The following SLC10A6 variants were observed in gnomAD, a reference collection of about 807,000 sequenced individuals.
SLC10A6 encodes the protein solute carrier family 10 member 6, also known as sodium-dependent organic anion transporter.
Under a neutral mutation model 30.0 loss-of-function variants are expected in SLC10A6, and 27 were observed. The ratio of observed to expected loss-of-function variants is 0.90; its 90% CI spans 0.66 to 1.24. The LOEUF (loss-of-function observed/expected upper bound fraction) is 1.24, where lower values mean the gene tolerates loss of function less well. Ranked by LOEUF, SLC10A6 falls within the 50% of genes most tolerant of loss-of-function variation. The pLI is 0.00. For synonymous variants in SLC10A6, 166 were observed against 173.8 expected, an observed-to-expected ratio of 0.95 and a Z score of 0.36; for missense variants, 439 against 457.0, an observed-to-expected ratio of 0.96 and a Z score of 0.36.
At chr4:86,835,151 A>T (rs532822562) in intron 1 of SLC10A6, among the ~76,000 whole-genome samples, 2 of 152,190 alleles carry the variant, frequency 1.3e-5, no homozygotes, top group African/African-American at 2.4e-5. Flanking sequence ...CCCAGTATGA[A>T]GTGTTAATAA....
At chr4:86,847,246 G>A (rs1746407162) in intron 1 of SLC10A6, among the ~76,000 whole-genome samples, 1 of 152,134 alleles carries the variant, frequency 6.6e-6, no homozygotes, top group Non-Finnish European at 1.5e-5. Flanking sequence ...CCATTTACAA[G>A]GTTATTATGA....
intron 1 of SLC10A6, among the ~76,000 whole-genome samples, chr4:86,845,893 A>G (rs1181311650): frequency 1.3e-5 from 2 of 152,214 alleles, no homozygotes; most frequent in Non-Finnish European, 2.9e-5. Flanking sequence ...ACCGGTTCCA[A>G]CCAATGGATT....
In SLC10A6 at chr4:86,848,905, C is replaced by A; in HGVS notation, c.211G>T (p.Gly71Ter). 1 of 1,614,170 alleles carries A rather than the reference C, an allele frequency of 6.2e-7. No individual in the cohort carries two copies. The highest frequency in any genetic ancestry group is 2.2e-5 in the East Asian group (1 of 44,878). The change falls in exon 1 of 6, where the codon GGA (glycine) becomes TGA (stop). Residue 71 changes from glycine to a stop codon, truncating the protein, a stop_gained. Transcript: ENST00000273905. LOFTEE classifies it high-confidence loss of function. ...HIRRPWGIAV[G>*]LLCQFGLMPF... The stretch of plus-strand genomic sequence containing the variant: ...ATGAGCCCAAACTGGCAGAGCAGTC[C>A]CACAGCAATGCCCCAGGGTCTCCTG...
At chr4:86,827,912 T>A (rs1578753924) in intron 4 of SLC10A6, 81 bp downstream of exon 4, 1 of 1,362,970 alleles carries the variant, frequency 7.3e-7, no homozygotes, top group East Asian at 2.4e-5. Context: ...TCATGTCTCC[T>A]GACACAGGCA....
intron 1 of SLC10A6, among the ~76,000 whole-genome samples, chr4:86,835,874 A>T (rs568017374): frequency 3.3e-5 from 5 of 152,204 alleles, no homozygotes; most frequent in Admixed American, 6.5e-5. Flanking sequence ...TATACAAAAA[A>T]GCTGAGTCAC....
chr4:86,846,811 A>G (rs1209610593), intron 1 of SLC10A6, among the ~76,000 whole-genome samples: 2 of 152,158 alleles, frequency 1.3e-5, no homozygotes, highest in African/African-American at 2.4e-5. Flanking sequence ...GAAATAGGTA[A>G]ATTTAACCCC....
At chr4:86,832,731 G>A (rs540314364) in intron 2 of SLC10A6, among the ~76,000 whole-genome samples, 4 of 152,154 alleles carry the variant, frequency 2.6e-5, no homozygotes, top group Non-Finnish European at 5.9e-5. Context: ...AGACTTTCAT[G>A]AGAAATAATA....
intron 3 of SLC10A6, among the ~76,000 whole-genome samples, chr4:86,829,846 G>A (rs539396535): frequency 7.2e-5 from 11 of 151,922 alleles, no homozygotes; most frequent in South Asian, 2.1e-4. Context: ...AAATTTGCTC[G>A]TTACAGAAAA....
chr4:86,837,935 G>C (rs34881728), intron 1 of SLC10A6, among the ~76,000 whole-genome samples: 20,182 of 152,202 alleles, frequency 0.13, 1,834 homozygotes, highest in Non-Finnish European at 0.19. Context: ...CTTCTGCATA[G>C]ACAGAAGGTC....
intron 1 of SLC10A6, among the ~76,000 whole-genome samples, chr4:86,844,851 C>T (rs1175411881): frequency 6.6e-6 from 1 of 152,158 alleles, no homozygotes; most frequent in Non-Finnish European, 1.5e-5. Context: ...GAAGCAAGGA[C>T]CTTCTTCACA....
chr4:86,832,927 A>T (rs1746108529), intron 2 of SLC10A6, among the ~76,000 whole-genome samples: 1 of 152,170 alleles, frequency 6.6e-6, no homozygotes. Context: ...TTGGAGTATA[A>T]AGAGTCCAAT....
chr4:86,842,874 CTT>C (rs1170640534), intron 1 of SLC10A6, among the ~76,000 whole-genome samples: 3 of 42,786 alleles, frequency 7.0e-5, no homozygotes, highest in South Asian at 4.8e-4. Flanking sequence ...TTCTTTCTTT[CTT>C]TTTTTTTTTG....
rs1560460408 is a variant in SLC10A6, at chr4:86,837,298, G to GAGAAA, written c.378-3875_378-3874insTTTCT. On this transcript the variant is annotated intron_variant, in intron 1 of 5. Transcript: ENST00000273905. ...AAGAAAGAAAGAAAAAGAAAGGAAGGAAGGAAGGAAGGAAGGAAGGAAGGA... is the reference window on the plus strand; with the variant it reads ...AAGAAAGAAAGAAAAAGAAAGGAAGGAGAAAAAGGAAGGAAGGAAGGAAGGAAGGA... Among the ~76,000 whole-genome samples, 55 of 89,284 alleles carry GAGAAA rather than the reference G, an allele frequency of 6.2e-4. 3 individuals are homozygous for GAGAAA. Among genetic ancestry groups the GAGAAA allele is most frequent in the Admixed American group, 8.6e-4 (8 of 9,300 alleles). 58.6% of individuals were successfully genotyped at this position (89,284 alleles called of 152,430 possible). A position where few individuals can be genotyped will look rare whatever the true frequency, so the allele number is the denominator to read the frequency against.
chr4:86,845,736 C>T (rs1746381654), intron 1 of SLC10A6, among the ~76,000 whole-genome samples: 1 of 152,158 alleles, frequency 6.6e-6, no homozygotes, highest in African/African-American at 2.4e-5. Context: ...GTGAGCAACA[C>T]AGCAAGAGGA....
At chr4:86,842,824 T>TTCTTTCTTTCTTTCTTTCTTTCTTTCTC (rs1746319550) in intron 1 of SLC10A6, among the ~76,000 whole-genome samples, 1 of 39,344 alleles carries the variant, frequency 2.5e-5, no homozygotes, top group Non-Finnish European at 4.3e-5. Flanking sequence ...CTTTCTTTCT[T>TTCTTTCTTTCTTTCTTTCTTTCTTTCTC]TCTTTCTTTC....
chr4:86,833,331 A>G lies in SLC10A6; in HGVS notation c.471T>C (p.Asn157=), dbSNP rs1001183535. The change falls in exon 2 of 6, where the codon AAT becomes AAC. Residue 157 remains asparagine (N), a synonymous_variant. Coordinates refer to ENST00000273905, the MANE Select transcript of SLC10A6 (RefSeq NM_197965.3). ...LYTWSWSLQQ[N]LTIPYQNIGI... ...CTATGTTCTGATAAGGAATGGTGAG[A>G]TTCTGCTGAAGACTCCAGGACCAGG... 3.7e-6 allele frequency: 6 copies of G among 1,613,890 alleles called. No homozygotes were observed. The highest frequency in any genetic ancestry group is 5.1e-6 in the Non-Finnish European group (6 of 1,179,896).
intron 3 of SLC10A6, among the ~76,000 whole-genome samples, chr4:86,828,569 G>A (rs965504277): frequency 1.4e-4 from 22 of 151,936 alleles, no homozygotes; most frequent in Non-Finnish European, 8.8e-5. Context: ...CCAGTCTGAC[G>A]TCTGCCCTGC....
intron 3 of SLC10A6, among the ~76,000 whole-genome samples, chr4:86,830,557 T>C (rs1284392980): frequency 6.6e-6 from 1 of 152,224 alleles, no homozygotes; most frequent in African/African-American, 2.4e-5. Flanking sequence ...TCCAGCTCTC[T>C]GTGCCCAGCT....
intron 1 of SLC10A6, among the ~76,000 whole-genome samples, chr4:86,841,084 G>A (rs1004641081): frequency 1.3e-5 from 2 of 152,120 alleles, no homozygotes; most frequent in Non-Finnish European, 2.9e-5. Context: ...ATATTACTAA[G>A]TCCTGAATGG....
Sources: allele counts gnomAD v4.1 joint callset (sites outside exome capture counted in the v4.1 genomes callset), GRCh38; gene constraint gnomAD v4.1.1; transcripts MANE v1.5; gene names NCBI Gene and HGNC (gene_info 2026-07-23, HGNC 2026-07-21).